CAMK2D: variants seen among roughly 807,000 people sequenced by gnomAD.
CAMK2D encodes calcium/calmodulin dependent protein kinase II delta.
A neutral mutation model predicts 84.0 loss-of-function variants in CAMK2D; 37 were observed. The observed-to-expected ratio is 0.44, with a 90% CI of 0.34 to 0.58. The LOEUF is 0.58. Ranked by LOEUF, CAMK2D falls within the 20% of genes least tolerant of loss-of-function variation. CAMK2D has a pLI of 0.02. For synonymous variants in CAMK2D, 202 were observed against 212.5 expected, an observed-to-expected ratio of 0.95 and a Z score of 0.43; for missense variants, 448 against 652.5, an observed-to-expected ratio of 0.69 and a Z score of 3.41.
At chr4:113,717,451 T>C in intron 2 of CAMK2D, among the ~76,000 whole-genome samples, 1 of 152,134 alleles carries the variant, frequency 6.6e-6, no homozygotes, top group East Asian at 1.9e-4. Flanking sequence ...ATGCTCATGA[T>C]TGAATTCTTA....
chr4:113,507,102 T>C (rs1165038600), intron 13 of CAMK2D, among the ~76,000 whole-genome samples: 2 of 152,220 alleles, frequency 1.3e-5, no homozygotes, highest in Admixed American at 1.3e-4. Context: ...ATGTAAAGAC[T>C]AACTAAATGA....
chr4:113,756,580 T>A (rs966969428), intron 2 of CAMK2D, among the ~76,000 whole-genome samples: 4 of 152,114 alleles, frequency 2.6e-5, no homozygotes, highest in African/African-American at 9.6e-5. Context: ...ATGATTTGTA[T>A]CATCTTCTCT....
At chr4:113,662,661 C>T (rs191785890) in intron 2 of CAMK2D, among the ~76,000 whole-genome samples, 2 of 152,342 alleles carry the variant, frequency 1.3e-5, no homozygotes, top group East Asian at 3.9e-4. Context: ...TAGTTTAACA[C>T]CACTGCCTCG....
At chr4:113,509,519 A>T in intron 13 of CAMK2D, 119 bp downstream of exon 13, 1 of 683,578 alleles carries the variant, frequency 1.5e-6, no homozygotes, top group South Asian at 1.8e-5. Flanking sequence ...TCAACCTGCA[A>T]CCTTTATCAG....
chr4:113,611,842 G>A (rs1425018378), intron 3 of CAMK2D, among the ~76,000 whole-genome samples: 2 of 152,000 alleles, frequency 1.3e-5, no homozygotes, highest in African/African-American at 4.8e-5. Flanking sequence ...TACTTCTTTT[G>A]CATCACACAA....
chr4:113,620,025 A>G (rs2099038800), intron 3 of CAMK2D, among the ~76,000 whole-genome samples: 1 of 152,180 alleles, frequency 6.6e-6, no homozygotes, highest in South Asian at 2.1e-4. Flanking sequence ...ACAACAAATG[A>G]TGGGAATCAC....
At chr4:113,707,029 T>C (rs2099460673) in intron 2 of CAMK2D, among the ~76,000 whole-genome samples, 1 of 152,124 alleles carries the variant, frequency 6.6e-6, no homozygotes, top group Non-Finnish European at 1.5e-5. Flanking sequence ...AGGTAAAGGC[T>C]GGCCACGTGC....
intron 11 of CAMK2D, 129 bp downstream of exon 11, chr4:113,513,701 C>CA (rs1259172969): frequency 1.6e-6 from 1 of 611,476 alleles, no homozygotes; most frequent in Non-Finnish European, 2.9e-6. Flanking sequence ...CCAAGAGCCC[C>CA]AAAAAGAATA....
intron 2 of CAMK2D, among the ~76,000 whole-genome samples, chr4:113,745,865 T>C (rs2099602978): frequency 6.6e-6 from 1 of 152,168 alleles, no homozygotes; most frequent in Non-Finnish European, 1.5e-5. Context: ...CGCTGTCTCC[T>C]CCATTCTCTG....
chr4:113,682,637 A>T (rs1473978968), intron 2 of CAMK2D, among the ~76,000 whole-genome samples: 1 of 152,152 alleles, frequency 6.6e-6, no homozygotes. Context: ...GAATCCTCAC[A>T]TAATCTCCAA....
intron 2 of CAMK2D, among the ~76,000 whole-genome samples, chr4:113,735,839 C>T (rs1396929281): frequency 6.6e-6 from 1 of 152,064 alleles, no homozygotes; most frequent in African/African-American, 2.4e-5. Context: ...AATATATTAT[C>T]ACTGTCATCT....
chr4:113,738,945 T>C (rs1479908384), intron 2 of CAMK2D, among the ~76,000 whole-genome samples: 1 of 152,118 alleles, frequency 6.6e-6, no homozygotes, highest in African/African-American at 2.4e-5. Context: ...CAAAAATGGG[T>C]TTTTGATTTG....
chr4:113,753,563 T>C (rs1182817064), intron 2 of CAMK2D, among the ~76,000 whole-genome samples: 2 of 151,998 alleles, frequency 1.3e-5, no homozygotes, highest in Non-Finnish European at 2.9e-5. Flanking sequence ...ATAAAAGGTC[T>C]ATGATTTCTC....
At chr4:113,754,528 T>C (rs2149102556) in intron 2 of CAMK2D, 1 of 955,704 alleles carries the variant, frequency 1.0e-6, no homozygotes, top group Admixed American at 6.2e-5. Flanking sequence ...GAAGTATTAA[T>C]CTAATTGTCT....
At chr4:113,527,452 C>T (rs764687528) in intron 8 of CAMK2D, among the ~76,000 whole-genome samples, 7 of 151,834 alleles carry the variant, frequency 4.6e-5, no homozygotes, top group African/African-American at 1.7e-4. Flanking sequence ...ATAATGCTAT[C>T]GTATACTTAA....
At chr4:113,529,972 T>C (rs928312819) in intron 8 of CAMK2D, among the ~76,000 whole-genome samples, 9 of 152,144 alleles carry the variant, frequency 5.9e-5, no homozygotes, top group African/African-American at 1.9e-4. Context: ...GTTAAAAAGG[T>C]AAAAGTTTCT....
chr4:113,746,725 G>A (rs116309408), intron 2 of CAMK2D, among the ~76,000 whole-genome samples: 1,565 of 151,924 alleles, frequency 0.01, 24 homozygotes, highest in African/African-American at 0.034. Context: ...AATAGTCCTC[G>A]TTGACAGGTT....
intron 6 of CAMK2D, among the ~76,000 whole-genome samples, chr4:113,538,259 T>A (rs2098506728): frequency 6.6e-6 from 1 of 152,194 alleles, no homozygotes; most frequent in South Asian, 2.1e-4. Flanking sequence ...AATAAGGCTG[T>A]GTCTATACCA....
In CAMK2D at chr4:113,759,356, C is replaced by A; in HGVS notation, c.124G>T (p.Ala42Ser). 9 of 1,608,094 alleles carry A rather than the reference C, an allele frequency of 5.6e-6. No individual in the cohort carries two copies. The highest frequency in any genetic ancestry group is 7.6e-6 in the Non-Finnish European group (9 of 1,176,632). Residue 42 changes from alanine to serine, a missense_variant, in exon 2 of 21, where the codon GCC becomes TCC. Coordinates refer to ENST00000511664, the MANE Select transcript of CAMK2D (RefSeq NM_001321571.2). ...MKIPTGQEYA[A>S]KIINTKKLSA... ...AGCTTTTTGGTGTTGATAATTTTGGCAGCATATTCTTGTCCAGTAGGAATT... is the reference window on the plus strand; with the variant it reads ...AGCTTTTTGGTGTTGATAATTTTGGAAGCATATTCTTGTCCAGTAGGAATT...
Sources: gnomAD v4.1 joint callset for allele counts (sites outside exome capture counted in the v4.1 genomes callset) on GRCh38, gnomAD v4.1.1 for gene constraint, MANE v1.5 for transcripts, NCBI Gene and HGNC (gene_info 2026-07-23, HGNC 2026-07-21) for gene names.